The following CDH13 variants were observed in gnomAD, a reference collection of about 807,000 sequenced individuals.
The protein encoded by CDH13 is cadherin-13.
CDH13 carries 24 observed loss-of-function variants against 63.8 expected under a neutral mutation model. The observed-to-expected ratio is 0.38, with a 90% CI of 0.27 to 0.53. The LOEUF is 0.53. Ranked by LOEUF, CDH13 falls within the 20% of genes least tolerant of loss-of-function variation. The pLI, the probability that CDH13 is intolerant of heterozygous loss-of-function variation, is 0.85. For synonymous variants in CDH13, 503 were observed against 355.3 expected (o/e 1.42, Z -4.67); for missense variants, 1,049 against 903.1 (o/e 1.16, Z -2.07).
intron 1 of CDH13, among the ~76,000 whole-genome samples, chr16:82,779,491 C>G (rs1382622283): frequency 6.6e-6 from 1 of 152,118 alleles, no homozygotes; most frequent in Non-Finnish European, 1.5e-5. Context: ...AATCTGAACT[C>G]AGTTGTGCAA....
At chr16:83,287,686 G>A (rs1300935047) in intron 5 of CDH13, among the ~76,000 whole-genome samples, 2 of 152,096 alleles carry the variant, frequency 1.3e-5, no homozygotes, top group African/African-American at 4.8e-5. Context: ...ATTTCATGAT[G>A]TATTATAATG....
At chr16:82,709,590 C>A (rs2031756875) in intron 1 of CDH13, among the ~76,000 whole-genome samples, 1 of 152,142 alleles carries the variant, frequency 6.6e-6, no homozygotes, top group African/African-American at 2.4e-5. Context: ...AGGCTGTGGA[C>A]AATAAATGAG....
intron 7 of CDH13, among the ~76,000 whole-genome samples, chr16:83,564,983 CAAATG>C (rs964137019): frequency 1.3e-5 from 2 of 152,152 alleles, no homozygotes; most frequent in African/African-American, 4.8e-5. Context: ...GTCATTCATA[CAAATG>C]AAATACCAAA....
At chr16:82,882,652 T>C (rs2040746605) in intron 2 of CDH13, among the ~76,000 whole-genome samples, 1 of 152,258 alleles carries the variant, frequency 6.6e-6, no homozygotes, top group South Asian at 2.1e-4. Flanking sequence ...CTTCCTTCTT[T>C]CCGTTCTCCC....
intron 1 of CDH13, among the ~76,000 whole-genome samples, chr16:82,681,311 C>G (rs1047735838): frequency 6.6e-6 from 1 of 152,154 alleles, no homozygotes; most frequent in African/African-American, 2.4e-5. Flanking sequence ...TCCATGGACA[C>G]AGACAGTAGA....
chr16:82,849,268 C>T (rs1405803635), intron 1 of CDH13, among the ~76,000 whole-genome samples: 1 of 152,128 alleles, frequency 6.6e-6, no homozygotes, highest in Non-Finnish European at 1.5e-5. Flanking sequence ...CTTTCGGAGA[C>T]CAAAGCAGGT....
chr16:83,486,731 C>T, intron 7 of CDH13, 76 bp downstream of exon 7: 1 of 1,385,852 alleles, frequency 7.2e-7, no homozygotes, highest in Non-Finnish European at 1.0e-6. Context: ...TGTGGGGCTC[C>T]AGTCAGTGGT....
At chr16:83,121,668 C>T (rs1455929409) in intron 3 of CDH13, among the ~76,000 whole-genome samples, 1 of 152,202 alleles carries the variant, frequency 6.6e-6, no homozygotes, top group Non-Finnish European at 1.5e-5. Context: ...GGATGTTTTC[C>T]ATTTTTGCCC....
chr16:83,256,088 C>T (rs1199552801), intron 5 of CDH13, among the ~76,000 whole-genome samples: 1 of 152,196 alleles, frequency 6.6e-6, no homozygotes, highest in Non-Finnish European at 1.5e-5. Flanking sequence ...GGCTGAAGTA[C>T]AGTGGCACCA....
chr16:82,775,711 C>T (rs753296766), intron 1 of CDH13, among the ~76,000 whole-genome samples: 34 of 152,282 alleles, frequency 2.2e-4, no homozygotes, highest in Admixed American at 3.9e-4. Flanking sequence ...GATCTTAATA[C>T]GCATTACAGC....
rs184476244 is a variant in CDH13 at position 83,568,305 on chromosome 16, G to A, written c.961-34149G>A. 2.2e-3 allele frequency among the ~76,000 whole-genome samples: 337 copies of A among 152,314 alleles called. 4 individuals carry two copies. Among genetic ancestry groups the A allele is most frequent in the South Asian group, 0.016 (75 of 4,828 alleles). On this transcript the variant is annotated intron_variant, in intron 7 of 13. Transcript: ENST00000567109. ...TATTAATTTCTTATAAAGATGAACT[G>A]GAGAGTGGTAACTAGAAAATTCCCT...
intron 6 of CDH13, among the ~76,000 whole-genome samples, chr16:83,388,327 C>G (rs116545481): frequency 6.6e-6 from 1 of 151,124 alleles, no homozygotes; most frequent in Non-Finnish European, 1.5e-5. Context: ...GGTGGTAATG[C>G]CTGTAGTCCC....
rs117294751 is a variant in CDH13 at position 83,281,774 on chromosome 16, G to C, written c.637-63088G>C. Among the ~76,000 whole-genome samples the C allele has an allele frequency of 5.3e-5, 8 of 151,666 alleles. No homozygotes were observed. The East Asian group carries it at 1.5e-3, about 29-fold the overall frequency. ...AAAAAAAAAAAAAACGTAGCCAAGC[G>C]TGGTGGCGCGCACCTGTAATCCCAG... is the stretch of plus-strand genomic sequence containing the variant. On this transcript the variant is annotated intron_variant, in intron 5 of 13. Transcript: ENST00000567109.
intron 2 of CDH13, among the ~76,000 whole-genome samples, chr16:82,900,022 C>A (rs1446307936): frequency 6.6e-6 from 1 of 152,188 alleles, no homozygotes; most frequent in Non-Finnish European, 1.5e-5. Flanking sequence ...GTCTCCCCTG[C>A]CCCATCTTGA....
intron 1 of CDH13, among the ~76,000 whole-genome samples, chr16:82,672,902 C>T (rs376312198): frequency 4.0e-5 from 6 of 151,836 alleles, no homozygotes; most frequent in African/African-American, 1.2e-4. Context: ...GCCACTTCTA[C>T]CTCCTGGGCT....
chr16:83,063,268 T>C (rs778406925), intron 3 of CDH13, among the ~76,000 whole-genome samples: 25 of 152,298 alleles, frequency 1.6e-4, no homozygotes, highest in Non-Finnish European at 2.9e-4. Flanking sequence ...AGCCTGGTGG[T>C]TGGCTTTTAA....
At chr16:83,724,811 G>A (rs1910187167) in intron 10 of CDH13, among the ~76,000 whole-genome samples, 1 of 152,188 alleles carries the variant, frequency 6.6e-6, no homozygotes, top group Non-Finnish European at 1.5e-5. Context: ...GTGAGCAGGG[G>A]CTATATTGTA....
At chr16:83,484,869 T>C (rs2073851115) in intron 6 of CDH13, among the ~76,000 whole-genome samples, 1 of 152,214 alleles carries the variant, frequency 6.6e-6, no homozygotes, top group East Asian at 1.9e-4. Context: ...AGTTTCTGTA[T>C]ACTTCAAGTT....
chr16:82,732,904 A>G (rs1382544799), intron 1 of CDH13, among the ~76,000 whole-genome samples: 1 of 152,198 alleles, frequency 6.6e-6, no homozygotes, highest in South Asian at 2.1e-4. Flanking sequence ...ACTAGAGGGA[A>G]TTCCTATCTG....
Sources: allele counts gnomAD v4.1 joint callset (sites outside exome capture counted in the v4.1 genomes callset), GRCh38; gene constraint gnomAD v4.1.1; transcripts MANE v1.5; gene names NCBI Gene and HGNC (gene_info 2026-07-23, HGNC 2026-07-21).